Variants in TTYH2 observed in about 807,000 individuals in gnomAD.
TTYH2 encodes tweety family member 2.
TTYH2 carries 49 observed loss-of-function variants against 68.3 expected under a neutral mutation model. The observed-to-expected ratio is 0.72, with a 90% CI of 0.57 to 0.91. TTYH2 has a LOEUF of 0.91. Among genes scored for constraint, TTYH2 ranks in the 40% least tolerant of loss-of-function variants. The probability of loss-of-function intolerance (pLI) is 0.00; values close to 1 mark genes in which losing one functional copy is unlikely to be tolerated. For missense variants in TTYH2, 631 were observed against 700.4 expected (o/e 0.90, Z 1.12); for synonymous variants, 272 against 300.8 (o/e 0.90, Z 0.99).
intron 2 of TTYH2, among the ~76,000 whole-genome samples, chr17:74,228,302 C>A (rs1270793201): frequency 2.0e-5 from 3 of 152,086 alleles, no homozygotes; most frequent in South Asian, 2.1e-4. Context: ...CTATCACAGT[C>A]CTCCAGGGGG....
intron 13 of TTYH2, among the ~76,000 whole-genome samples, chr17:74,255,944 C>T (rs2050689873): frequency 1.3e-5 from 2 of 152,164 alleles, no homozygotes; most frequent in Admixed American, 6.5e-5. Flanking sequence ...GCGTGATAGA[C>T]CTGGGCCCTG....
chr17:74,225,330 G>GTGT (rs2050319060), intron 2 of TTYH2, among the ~76,000 whole-genome samples: 1 of 152,090 alleles, frequency 6.6e-6, no homozygotes, highest in Non-Finnish European at 1.5e-5. Context: ...GATGGGGAAA[G>GTGT]TGTCACGGGG....
At chr17:74,251,096 TG>T (rs1263614406) in intron 10 of TTYH2, among the ~76,000 whole-genome samples, 1 of 53,374 alleles carries the variant, frequency 1.9e-5, no homozygotes, top group East Asian at 2.4e-4. Flanking sequence ...TGTATATGTC[TG>T]TGCGTGTGTG....
chr17:74,218,392 G>A (rs564460806), intron 1 of TTYH2, among the ~76,000 whole-genome samples: 1 of 152,108 alleles, frequency 6.6e-6, no homozygotes, highest in Non-Finnish European at 1.5e-5. Context: ...GCTTCCAAAG[G>A]CTGGGCAGGG....
intron 10 of TTYH2, among the ~76,000 whole-genome samples, chr17:74,251,405 T>G (rs2050628084): frequency 6.6e-6 from 1 of 151,892 alleles, no homozygotes; most frequent in Non-Finnish European, 1.5e-5. Flanking sequence ...TGTGCGTGTA[T>G]TTATAAAGTG....
intron 3 of TTYH2, among the ~76,000 whole-genome samples, chr17:74,234,140 G>A (rs111728324): frequency 0.024 from 3,630 of 152,300 alleles, 159 homozygotes; most frequent in African/African-American, 0.082. Context: ...GCAGGGCCCT[G>A]CCCCCAGAGG....
chr17:74,243,710 A>G (rs1032832186), intron 5 of TTYH2, among the ~76,000 whole-genome samples: 1 of 152,240 alleles, frequency 6.6e-6, no homozygotes, highest in African/African-American at 2.4e-5. Flanking sequence ...TCTGTTGAGC[A>G]GCTAAGAAAC....
chr17:74,227,040 T>C (rs1189186364), intron 2 of TTYH2, among the ~76,000 whole-genome samples: 3 of 152,186 alleles, frequency 2.0e-5, no homozygotes, highest in Non-Finnish European at 4.4e-5. Context: ...AGTGGCACGA[T>C]CTCAGCTCAC....
intron 13 of TTYH2, among the ~76,000 whole-genome samples, chr17:74,259,354 C>T (rs1598237895): frequency 6.6e-6 from 1 of 152,094 alleles, no homozygotes; most frequent in Admixed American, 6.6e-5. Flanking sequence ...GCTGGGACTA[C>T]AGGTGCATGC....
intron 1 of TTYH2, among the ~76,000 whole-genome samples, chr17:74,219,822 G>A (rs568143368): frequency 3.9e-5 from 6 of 152,250 alleles, no homozygotes; most frequent in Middle Eastern, 3.4e-3. Context: ...GTTGGTGGAC[G>A]TTTGTGTCTT....
At position 74,229,437 on chromosome 17, in the gene TTYH2, G is replaced by A. The variant is rs764434259; in HGVS notation, c.303-1451G>A. 6.6e-5 allele frequency among the ~76,000 whole-genome samples: 10 copies of A among 152,218 alleles called. No homozygotes were observed. In the South Asian group the frequency reaches 8.3e-4, roughly 13 times the overall value. ...CCAAATAAAATGTCCTGTAGAACCA[G>A]CCTGCCAGGGACCCTGAACCTTCAC... On this transcript the variant is annotated intron_variant, in intron 2 of 13. Transcript: ENST00000269346.
Position 74,253,755 on chromosome 17 carries a change from G to A in TTYH2, c.1446G>A (p.Met482Ile). ...CTGAGCTCTCCTCTCATCCCCGCAG[G>A]AACCAAGCCATGCTCTTTGGTAGGA... ...TISNAPVSEY[M>I]NQAMLFGRNP... is the part of the protein sequence containing the mutation. Residue 482 changes from methionine (M) to isoleucine (I), a missense_variant and splice_region_variant, in exon 13 of 14, where the codon ATG (methionine) becomes ATA (isoleucine). Coordinates refer to ENST00000269346, the MANE Select transcript of TTYH2 (RefSeq NM_032646.6). The A allele has an allele frequency of 5.0e-6, 8 of 1,614,028 alleles. No homozygotes were observed. Among genetic ancestry groups the A allele is most frequent in the Non-Finnish European group, 6.8e-6 (8 of 1,180,006 alleles).
intron 13 of TTYH2, among the ~76,000 whole-genome samples, chr17:74,259,226 AAG>A (rs2050723015): frequency 1.3e-5 from 2 of 151,664 alleles, no homozygotes; most frequent in Non-Finnish European, 2.9e-5. Context: ...GTTTTTTTTT[AAG>A]AGAGAGGGTC....
At chr17:74,248,211 TG>T in intron 6 of TTYH2, 1 of 951,318 alleles carries the variant, frequency 1.1e-6, no homozygotes, top group Non-Finnish European at 1.3e-6. Flanking sequence ...GAGCTCTCCC[TG>T]GCTGCTCTGG....
chr17:74,237,750 C>T (rs2050458886), intron 4 of TTYH2, among the ~76,000 whole-genome samples: 1 of 152,120 alleles, frequency 6.6e-6, no homozygotes, highest in Admixed American at 6.5e-5. Flanking sequence ...CCTCAGCCTC[C>T]CTCCCAAGTA....
intron 2 of TTYH2, among the ~76,000 whole-genome samples, chr17:74,225,511 C>T (rs749446673): frequency 1.3e-5 from 2 of 152,104 alleles, no homozygotes; most frequent in Admixed American, 6.5e-5. Context: ...CGGGAGTATT[C>T]GGAACAGTGG....
intron 13 of TTYH2, among the ~76,000 whole-genome samples, chr17:74,256,711 C>T (rs995904693): frequency 2.0e-5 from 3 of 152,060 alleles, no homozygotes; most frequent in African/African-American, 7.2e-5. Flanking sequence ...GTACGTGGTG[C>T]AATCTCAGCT....
intron 2 of TTYH2, among the ~76,000 whole-genome samples, chr17:74,223,290 G>A (rs2050296849): frequency 7.7e-6 from 1 of 130,282 alleles, no homozygotes; most frequent in Non-Finnish European, 1.5e-5. Context: ...TTTTTTGGGG[G>A]GCGGGGGGTG....
rs201891421 is a variant in TTYH2 at position 74,223,151 on chromosome 17, CAGGCTAG to C, written c.302+497_302+503del. ...AAAGATGGGGTCTCACTCTGTTACC[CAGGCTAG>C]AGTGCAGTGGTGCGATCACAGCTCA... On this transcript the variant is annotated intron_variant, in intron 2 of 13. Transcript: ENST00000269346. Among the ~76,000 whole-genome samples, 1,091 of 152,240 alleles carry C rather than the reference CAGGCTAG, an allele frequency of 7.2e-3. 7 individuals are homozygous for C. The highest frequency in any genetic ancestry group is 0.012 in the Non-Finnish European group (804 of 68,028).
Sources: gnomAD v4.1 joint callset for allele counts (sites outside exome capture counted in the v4.1 genomes callset) on GRCh38, gnomAD v4.1.1 for gene constraint, MANE v1.5 for transcripts, NCBI Gene and HGNC (gene_info 2026-07-23, HGNC 2026-07-21) for gene names.